Variants in DHX37 observed in about 807,000 individuals in gnomAD.
DHX37 encodes the protein probable ATP-dependent RNA helicase DHX37.
A neutral mutation model predicts 134.3 loss-of-function variants in DHX37; 52 were observed. The observed-to-expected ratio is 0.39, with a 90% CI of 0.31 to 0.49. DHX37 has a LOEUF of 0.49. Ranked by LOEUF, DHX37 falls within the 20% of genes least tolerant of loss-of-function variation. The pLI, the probability that DHX37 is intolerant of heterozygous loss-of-function variation, is 0.93. For synonymous variants in DHX37, 634 were observed against 670.7 expected, an observed-to-expected ratio of 0.95 and a Z score of 0.85; for missense variants, 1,344 against 1,580.8, an observed-to-expected ratio of 0.85 and a Z score of 2.54.
At chr12:124,960,110 C>T (rs937671485) in intron 16 of DHX37, among the ~76,000 whole-genome samples, 2 of 152,232 alleles carry the variant, frequency 1.3e-5, no homozygotes, top group African/African-American at 4.8e-5. Flanking sequence ...CAGCCATCCC[C>T]TGGGTGTCCA....
chr12:124,970,221 G>A (rs1010309159), intron 8 of DHX37, among the ~76,000 whole-genome samples: 1 of 152,168 alleles, frequency 6.6e-6, no homozygotes, highest in African/African-American at 2.4e-5. Flanking sequence ...TGATCCACCC[G>A]CCTCAGCATC....
intron 8 of DHX37, among the ~76,000 whole-genome samples, chr12:124,970,488 C>G (rs1954493013): frequency 6.6e-6 from 1 of 152,208 alleles, no homozygotes; most frequent in Admixed American, 6.5e-5. Context: ...TCCAGTCAGA[C>G]TTCTCCTCGC....
In DHX37 at chr12:124,965,590, G is replaced by A. The variant is rs1030934313; in HGVS notation, c.1735+78C>T. The A allele has an allele frequency of 2.7e-6, 4 of 1,467,576 alleles. No homozygotes were observed. In the Admixed American group the frequency reaches 7.3e-5, roughly 27 times the overall value. The allele number at this position is 1,467,576 out of a possible 1,614,324, so 90.9% of individuals were successfully genotyped here. A position where few individuals can be genotyped will look rare whatever the true frequency, so the allele number is the denominator to read the frequency against. On this transcript the variant is annotated intron_variant, in intron 13 of 26. Coordinates refer to ENST00000308736, the MANE Select transcript of DHX37 (RefSeq NM_032656.4). Reference sequence around the variant, plus strand: ...AAAGCTGCTAGAACCCCGGCCCCCGGGGGGCCCACAAGGGCTCTGGGCACA... The same window carrying A: ...AAAGCTGCTAGAACCCCGGCCCCCGAGGGGCCCACAAGGGCTCTGGGCACA...
intron 13 of DHX37, 87 bp from the exon 14 acceptor site, chr12:124,965,093 G>A (rs985480963): frequency 2.1e-6 from 3 of 1,428,958 alleles, no homozygotes; most frequent in South Asian, 1.3e-5. Flanking sequence ...GCACCCCCAG[G>A]CTGCTCCACC....
chr12:124,973,506 G>T (rs919547140), intron 6 of DHX37, among the ~76,000 whole-genome samples: 1 of 151,880 alleles, frequency 6.6e-6, no homozygotes, highest in East Asian at 1.9e-4. Flanking sequence ...CAGTGGGGGG[G>T]AGGGGGGCCA....
intron 20 of DHX37, 46 bp downstream of exon 20, chr12:124,953,834 T>C: frequency 6.3e-7 from 1 of 1,599,958 alleles, no homozygotes; most frequent in Non-Finnish European, 8.5e-7. Context: ...AGTGCCCAGG[T>C]CAGGTTGCCC....
chr12:124,977,506 G>A lies in DHX37; in HGVS notation c.739-16C>T. On this transcript the variant is annotated splice_polypyrimidine_tract_variant and intron_variant, in intron 4 of 26. Transcript: ENST00000308736. ...GCCGTTCCTCCTGGAAGGAGAGGAAGTCAGCACTTAGGGAGCAGCAAGACT... is the reference window on the plus strand; with the variant it reads ...GCCGTTCCTCCTGGAAGGAGAGGAAATCAGCACTTAGGGAGCAGCAAGACT... The A allele has an allele frequency of 6.3e-7, 1 of 1,582,438 alleles. No individual in the cohort carries two copies. Among genetic ancestry groups the A allele is most frequent in the Non-Finnish European group, 8.6e-7 (1 of 1,167,286 alleles).
chr12:124,961,261 C>CTT (rs138531385), intron 15 of DHX37, among the ~76,000 whole-genome samples: 28,485 of 112,260 alleles, frequency 0.25, 3,307 homozygotes, highest in East Asian at 0.56. Context: ...CGCACGCACA[C>CTT]ACATACACGC....
chr12:124,957,203 T>A, intron 16 of DHX37, 68 bp from the exon 17 acceptor site: 1 of 1,371,974 alleles, frequency 7.3e-7, no homozygotes, highest in Non-Finnish European at 9.7e-7. Context: ...TCCTGCTCCG[T>A]CTGTGGCAGG....
intron 15 of DHX37, among the ~76,000 whole-genome samples, chr12:124,963,773 G>A (rs1036362008): frequency 2.6e-5 from 4 of 150,954 alleles, no homozygotes; most frequent in South Asian, 2.1e-4. Context: ...CCAGCTACTC[G>A]GGAGGCTGAG....
At chr12:124,962,790 T>C (rs958006773) in intron 15 of DHX37, among the ~76,000 whole-genome samples, 1 of 152,010 alleles carries the variant, frequency 6.6e-6, no homozygotes. Flanking sequence ...TGAGCTGAGA[T>C]TGCACCACTG....
intron 18 of DHX37, 108 bp downstream of exon 18, chr12:124,956,583 G>A: frequency 7.4e-7 from 1 of 1,358,390 alleles, no homozygotes; most frequent in Non-Finnish European, 9.7e-7. Context: ...CTACCTCCTG[G>A]GTTCAAATGA....
intron 4 of DHX37, among the ~76,000 whole-genome samples, chr12:124,979,196 G>A (rs566822393): frequency 5.9e-5 from 9 of 152,120 alleles, no homozygotes; most frequent in Non-Finnish European, 8.8e-5. Context: ...GCAAAACCCC[G>A]TCTCTACAAA....
At chr12:124,955,471 T>C (rs1954073581) in intron 18 of DHX37, among the ~76,000 whole-genome samples, 1 of 152,366 alleles carries the variant, frequency 6.6e-6, no homozygotes, top group South Asian at 2.1e-4. Flanking sequence ...TCCATCACCA[T>C]GCCCGCTTTT....
chr12:124,986,023 C>T (rs1954864421), intron 2 of DHX37, 73 bp downstream of exon 2: 1 of 1,571,650 alleles, frequency 6.4e-7, no homozygotes. Context: ...GAGACACCCT[C>T]AGGAGGAGAG....
Position 124,986,230 on chromosome 12 carries a change from C to T in DHX37, c.142G>A (p.Ala48Thr), listed in dbSNP as rs78936225. 1,348 of 1,614,092 alleles carry T rather than the reference C, an allele frequency of 8.4e-4. 7 individuals carry two copies. The African/African-American group carries it at 0.016, about 19-fold the overall frequency. ...TTCTTCTTCCCCGGTAGAACGAGCGCGTTGCTTGCATCAACTCCCTTCAAC... is the reference window on the plus strand; with the variant it reads ...TTCTTCTTCCCCGGTAGAACGAGCGTGTTGCTTGCATCAACTCCCTTCAAC... ...DTLKGVDASNALVLPGKKKKK... is the reference protein window; with the variant it reads ...DTLKGVDASNTLVLPGKKKKK... The change falls in exon 2 of 27, where the codon GCG (alanine) becomes ACG (threonine). Residue 48 changes from alanine (A) to threonine (T), a missense_variant. Coordinates refer to ENST00000308736, the MANE Select transcript of DHX37 (RefSeq NM_032656.4).
At chr12:124,957,208 G>T in intron 16 of DHX37, 73 bp from the exon 17 acceptor site, 1 of 1,340,290 alleles carries the variant, frequency 7.5e-7, no homozygotes, top group Non-Finnish European at 9.9e-7. Context: ...CTCCGTCTGT[G>T]GCAGGCACTC....
rs1023135264 is a variant in DHX37, at chr12:124,947,743, G to C, written c.*59C>G. ...AGGTGGTCACGGTCGCACGGTGACA[G>C]GCTGCTGCCAGCCCTCCAGTCCCCA... On this transcript the variant is annotated 3_prime_UTR_variant, in exon 27 of 27. Coordinates refer to ENST00000308736, the MANE Select transcript of DHX37 (RefSeq NM_032656.4). 8 of 1,503,858 alleles carry C rather than the reference G, an allele frequency of 5.3e-6. No homozygotes were observed. In the African/African-American group the frequency reaches 1.1e-4, roughly 21 times the overall value. 93.2% of individuals were successfully genotyped at this position (1,503,858 alleles called of 1,614,324 possible).
rs1302795022 is a variant in DHX37 at position 124,980,609 on chromosome 12, T to A, written c.619A>T (p.Ser207Cys). The A allele has an allele frequency of 6.2e-7, 1 of 1,610,096 alleles. No individual in the cohort carries two copies. Among genetic ancestry groups the A allele is most frequent in the East Asian group, 2.2e-5 (1 of 44,848 alleles). The stretch of plus-strand genomic sequence containing the variant: ...GTCATCCCAGCCGGCACGGGCTGAC[T>A]GCTGGGTGCTGGAGCTGGCGGCAGA... ...APLPPAPAPS[S>C]QPVPAGMTVP... The change falls in exon 4 of 27, where the codon AGT (serine) becomes TGT (cysteine). Residue 207 changes from serine to cysteine, a missense_variant. Physicochemically the swap from Ser to Cys is moderately radical, Grantham distance 112 (BLOSUM62 -1). Around this residue, in one of 7 missense-constraint regions of DHX37, gnomAD observed 319 missense variants for 296.1 expected, o/e 1.08. Transcript: ENST00000308736. This position sits in a 1 kb window ranked among gnomAD's most constrained non-coding sequence, Gnocchi z 5.3.
Sources: allele counts gnomAD v4.1 joint callset (sites outside exome capture counted in the v4.1 genomes callset), GRCh38; gene constraint gnomAD v4.1.1; regional missense constraint gnomAD v4.1.1; non-coding constraint Gnocchi (gnomAD v3.1); transcripts MANE v1.5; gene names NCBI Gene and HGNC (gene_info 2026-07-23, HGNC 2026-07-21).